Variants in LAMA2 observed in about 807,000 individuals in gnomAD.
LAMA2 encodes laminin subunit alpha 2, also known as laminin subunit alpha-2.
A neutral mutation model predicts 364.8 loss-of-function variants in LAMA2; 269 were observed. That is an observed-to-expected ratio of 0.74 (90% confidence interval 0.67 to 0.82). The LOEUF is 0.82. Ranked by LOEUF, LAMA2 falls within the 40% of genes least tolerant of loss-of-function variation. The probability of loss-of-function intolerance (pLI) is 0.00; values close to 1 mark genes in which losing one functional copy is unlikely to be tolerated. For missense variants in LAMA2, 3,807 were observed against 3,873.2 expected, an observed-to-expected ratio of 0.98 and a Z score of 0.45; for synonymous variants, 1,379 against 1,370.6, an observed-to-expected ratio of 1.01 and a Z score of -0.14.
At chr6:129,205,786 T>C (rs577251201) in intron 12 of LAMA2, among the ~76,000 whole-genome samples, 53 of 152,004 alleles carry the variant, frequency 3.5e-4, no homozygotes, top group South Asian at 4.1e-4. Context: ...ACACTTTTGG[T>C]GGTTGAGACA....
chr6:129,494,399 T>A (rs765092043), intron 58 of LAMA2, among the ~76,000 whole-genome samples: 15 of 152,240 alleles, frequency 9.9e-5, no homozygotes, highest in African/African-American at 1.7e-4. Flanking sequence ...ATTTCATCTA[T>A]CTTGCCTACA....
chr6:129,342,205 AAGTGTGTGTGTG>A (rs983060513), intron 29 of LAMA2, 126 bp from the exon 30 acceptor site: 2 of 705,802 alleles, frequency 2.8e-6, no homozygotes, highest in Non-Finnish European at 5.0e-6. Context: ...GTCAGTGATA[AAGTGTGTGTGTG>A]AGTGTGTGTG....
intron 1 of LAMA2, among the ~76,000 whole-genome samples, chr6:128,950,557 G>C (rs574011117): frequency 2.1e-4 from 32 of 152,214 alleles, no homozygotes; most frequent in African/African-American, 7.2e-4. Flanking sequence ...GACAGATAAA[G>C]AGTCAACATC....
intron 1 of LAMA2, among the ~76,000 whole-genome samples, chr6:128,960,380 C>T (rs1408155219): frequency 5.3e-5 from 8 of 150,554 alleles, no homozygotes; most frequent in South Asian, 2.1e-4. Context: ...CTCTTGTCCC[C>T]CAGGCTGGAG....
chr6:129,516,426 T>C lies in LAMA2; in HGVS notation c.*79T>C. 4.3e-6 allele frequency: 6 copies of C among 1,396,272 alleles called. No homozygotes were observed. Among genetic ancestry groups the C allele is most frequent in the Non-Finnish European group, 6.0e-6 (6 of 1,003,974 alleles). The allele number at this position is 1,396,272 out of a possible 1,614,324, so 86.5% of individuals were successfully genotyped here. Reference sequence around the variant, plus strand: ...AACAAACAAATATATTTTACCTATATATGTTAATTAAACTAATTTGTGCAT... The same window carrying C: ...AACAAACAAATATATTTTACCTATACATGTTAATTAAACTAATTTGTGCAT... On this transcript the variant is annotated 3_prime_UTR_variant, in exon 65 of 65. Coordinates refer to ENST00000421865, the MANE Select transcript of LAMA2 (RefSeq NM_000426.4).
chr6:129,430,655 C>T (rs1781542775), intron 41 of LAMA2, among the ~76,000 whole-genome samples: 4 of 152,082 alleles, frequency 2.6e-5, no homozygotes, highest in Non-Finnish European at 1.5e-5. Context: ...ATGAACACTG[C>T]TTTGCAGATA....
chr6:129,321,302 T>A (rs966644791), intron 28 of LAMA2, among the ~76,000 whole-genome samples: 1 of 152,196 alleles, frequency 6.6e-6, no homozygotes. Flanking sequence ...GGAGGTGGAA[T>A]GAATAGATGA....
chr6:129,169,082 A>G (rs1179967035), intron 9 of LAMA2, among the ~76,000 whole-genome samples: 13 of 152,256 alleles, frequency 8.5e-5, no homozygotes, highest in South Asian at 2.1e-4. Context: ...GGGGTTTTCT[A>G]GATATACAAT....
At chr6:129,379,010 G>A (rs1778530448) in intron 34 of LAMA2, among the ~76,000 whole-genome samples, 1 of 152,184 alleles carries the variant, frequency 6.6e-6, no homozygotes, top group Admixed American at 6.5e-5. Flanking sequence ...TACACACCAT[G>A]GAATACTATG....
chr6:129,353,448 CTT>C (rs878949960), intron 32 of LAMA2, 91 bp downstream of exon 32: 27,495 of 727,550 alleles, frequency 0.038, no homozygotes, highest in East Asian at 0.047. Context: ...CCCCGCCCGC[CTT>C]TTTTTTTTTT....
intron 4 of LAMA2, among the ~76,000 whole-genome samples, chr6:129,120,030 A>C (rs1776713630): frequency 1.3e-5 from 2 of 152,240 alleles, no homozygotes; most frequent in South Asian, 4.1e-4. Context: ...GCACGTGTAT[A>C]CTAATGCGAG....
In LAMA2 at chr6:129,149,020, C is replaced by T. The variant is rs765336655; in HGVS notation, c.951C>T (p.Ser317=). Residue 317 remains serine, a synonymous_variant, in exon 7 of 65, where the codon AGC becomes AGT. Coordinates refer to ENST00000421865, the MANE Select transcript of LAMA2 (RefSeq NM_000426.4). ...GTGAGCATAACACATGTGGCGATAG[C>T]TGTGATCAGTGCTGTCCAGGATTCC... ...CECEHNTCGD[S]CDQCCPGFHQ... The T allele has an allele frequency of 1.9e-4, 312 of 1,613,388 alleles. No homozygotes were observed. The highest frequency in any genetic ancestry group is 2.6e-4 in the Non-Finnish European group (307 of 1,179,560).
intron 47 of LAMA2, among the ~76,000 whole-genome samples, chr6:129,455,404 A>G (rs1782908287): frequency 6.6e-6 from 1 of 152,160 alleles, no homozygotes; most frequent in South Asian, 2.1e-4. Context: ...GTTTAAGGAC[A>G]TTTATACTCA....
intron 64 of LAMA2, among the ~76,000 whole-genome samples, chr6:129,515,010 T>C (rs76746641): frequency 2.1e-3 from 313 of 152,326 alleles, no homozygotes; most frequent in Non-Finnish European, 3.3e-3. Context: ...GGGTTAAACA[T>C]AGCTAATTTC....
In LAMA2 at chr6:128,997,872, C is replaced by A. The variant is rs115968605; in HGVS notation, c.113-52046C>A. Reference sequence around the variant, plus strand: ...AGTGTGTGTTGTATAAATGAAGGACCCAATTTTCTCAGACAGAAGATAAAA... The same window carrying A: ...AGTGTGTGTTGTATAAATGAAGGACACAATTTTCTCAGACAGAAGATAAAA... On this transcript the variant is annotated intron_variant, in intron 1 of 64. Transcript: ENST00000421865. Among the ~76,000 whole-genome samples the A allele has an allele frequency of 6.1e-3, 925 of 152,072 alleles. 12 individuals are homozygous for A. Among genetic ancestry groups the A allele is most frequent in the African/African-American group, 0.021 (881 of 41,460 alleles).
At chr6:129,109,845 A>C (rs1465362655) in intron 4 of LAMA2, among the ~76,000 whole-genome samples, 2 of 152,040 alleles carry the variant, frequency 1.3e-5, no homozygotes, top group Admixed American at 1.3e-4. Flanking sequence ...TACTCAGGTA[A>C]AATTCTATCT....
rs563603454 is a variant in LAMA2 at position 128,905,292 on chromosome 6, G to A, written c.112+21935G>A. Reference sequence around the variant, plus strand: ...TCATTTAGATTAGTCTTATTTATGTGGATATGTGTAATAAAATTTCTTTGG... The same window carrying A: ...TCATTTAGATTAGTCTTATTTATGTAGATATGTGTAATAAAATTTCTTTGG... On this transcript the variant is annotated intron_variant, in intron 1 of 64. Coordinates refer to ENST00000421865, the MANE Select transcript of LAMA2 (RefSeq NM_000426.4). 111 of 152,020 alleles carry A rather than the reference G, an allele frequency of 7.3e-4. 1 individual carries two copies. The highest frequency in any genetic ancestry group is 2.5e-3 in the African/African-American group (105 of 41,392). 9.4% of individuals were successfully genotyped at this position (152,020 alleles called of 1,614,324 possible).
chr6:129,159,389 G>T (rs923104231), intron 8 of LAMA2, among the ~76,000 whole-genome samples: 1 of 152,136 alleles, frequency 6.6e-6, no homozygotes. Flanking sequence ...TTCATAAGTC[G>T]CTCCCGGCGT....
chr6:129,475,526 G>T, intron 53 of LAMA2, 125 bp downstream of exon 53: 1 of 679,180 alleles, frequency 1.5e-6, no homozygotes, highest in South Asian at 1.9e-5. Flanking sequence ...TATGTTTCAC[G>T]AGCAAGCCGT....
Sources: allele counts gnomAD v4.1 joint callset (sites outside exome capture counted in the v4.1 genomes callset), GRCh38; gene constraint gnomAD v4.1.1; transcripts MANE v1.5; gene names NCBI Gene and HGNC (gene_info 2026-07-23, HGNC 2026-07-21).